RAB27A: variants seen among roughly 807,000 people sequenced by gnomAD.
RAB27A encodes the protein ras-related protein Rab-27A.
In RAB27A, 17 loss-of-function variants were observed where a neutral mutation model predicts 20.8. The observed-to-expected ratio is 0.82, with a 90% CI of 0.56 to 1.23. RAB27A has a LOEUF of 1.23. Among genes scored for constraint, RAB27A ranks in the 50% most tolerant of loss-of-function variants. The pLI is 0.00. For synonymous variants in RAB27A, 85 were observed against 92.8 expected, an observed-to-expected ratio of 0.92 and a Z score of 0.48; for missense variants, 277 against 266.7, an observed-to-expected ratio of 1.04 and a Z score of -0.27.
intron 1 of RAB27A, among the ~76,000 whole-genome samples, chr15:55,275,706 C>G (rs1288953653): frequency 6.6e-6 from 1 of 151,468 alleles, no homozygotes; most frequent in African/African-American, 2.4e-5. Flanking sequence ...CCAAAATATA[C>G]AAGAACCTCA....
At chr15:55,281,767 A>G (rs888700569) in intron 1 of RAB27A, among the ~76,000 whole-genome samples, 8 of 151,894 alleles carry the variant, frequency 5.3e-5, no homozygotes, top group Middle Eastern at 3.4e-3. Context: ...GTAGGAAAGG[A>G]AAAGAGAAGG....
intron 2 of RAB27A, among the ~76,000 whole-genome samples, chr15:55,244,812 T>C (rs1896627021): frequency 6.6e-6 from 1 of 152,218 alleles, no homozygotes; most frequent in Admixed American, 6.5e-5. Context: ...AACATCCCCT[T>C]GTTCAGTGAT....
chr15:55,265,079 C>T (rs1042919263), intron 2 of RAB27A, among the ~76,000 whole-genome samples: 10 of 152,212 alleles, frequency 6.6e-5, no homozygotes, highest in South Asian at 2.1e-4. Context: ...CCCATCTCTA[C>T]TAAAAATACA....
chr15:55,215,980 C>A (rs1895283836), intron 6 of RAB27A, among the ~76,000 whole-genome samples: 1 of 147,072 alleles, frequency 6.8e-6, no homozygotes, highest in Non-Finnish European at 1.5e-5. Context: ...AAGTCATAAC[C>A]TCTGGAGTCA....
At chr15:55,288,876 T>C (rs1024407259) in intron 1 of RAB27A, 1 of 150,638 alleles carries the variant, frequency 6.6e-6, no homozygotes. Context: ...TAATTAGCAA[T>C]GATTACAGAA....
At chr15:55,208,854 T>C (rs553945667) in intron 6 of RAB27A, among the ~76,000 whole-genome samples, 2 of 152,016 alleles carry the variant, frequency 1.3e-5, no homozygotes, top group East Asian at 1.9e-4. Flanking sequence ...CTAAAGAAAA[T>C]TGAGATTCTA....
At chr15:55,303,860 A>G (rs71399476) in intron 2 of RAB27A, among the ~76,000 whole-genome samples, 53,028 of 119,180 alleles carry the variant, frequency 0.44, 13,698 homozygotes, top group African/African-American at 0.76. Context: ...CCCCCTGCCC[A>G]GCCAGCCGGC....
chr15:55,209,962 G>A (rs1398002880), intron 6 of RAB27A, among the ~76,000 whole-genome samples: 8 of 133,232 alleles, frequency 6.0e-5, no homozygotes, highest in Middle Eastern at 4.2e-3. Flanking sequence ...ACGCATATAT[G>A]TGCGTATGTG....
intron 2 of RAB27A, among the ~76,000 whole-genome samples, chr15:55,253,432 G>C (rs530940947): frequency 6.7e-6 from 1 of 150,232 alleles, no homozygotes; most frequent in Admixed American, 6.6e-5. Flanking sequence ...GGGTGACAGA[G>C]CGAGACTCCG....
intron 4 of RAB27A, 49 bp downstream of exon 4, chr15:55,230,352 T>A (rs749307026): frequency 1.3e-6 from 2 of 1,509,704 alleles, no homozygotes; most frequent in South Asian, 2.2e-5. Flanking sequence ...AGAATGTAAC[T>A]ATTTTTCCCT....
At chr15:55,307,084 T>C (rs2055000089) in intron 2 of RAB27A, among the ~76,000 whole-genome samples, 1 of 151,966 alleles carries the variant, frequency 6.6e-6, no homozygotes, top group Non-Finnish European at 1.5e-5. Context: ...ATAAAATGAC[T>C]GGGTAGGGTC....
chr15:55,246,112 A>C (rs1458354875), intron 2 of RAB27A, among the ~76,000 whole-genome samples: 3 of 150,884 alleles, frequency 2.0e-5, no homozygotes, highest in Non-Finnish European at 4.4e-5. Context: ...AATACATATA[A>C]ATATATATAC....
chr15:55,208,457 G>A (rs542959162), intron 6 of RAB27A, among the ~76,000 whole-genome samples: 219 of 152,210 alleles, frequency 1.4e-3, no homozygotes, highest in African/African-American at 5.0e-3. Flanking sequence ...GTTGCCAAAC[G>A]GTAGAAACAA....
intron 2 of RAB27A, among the ~76,000 whole-genome samples, chr15:55,309,736 T>C (rs538085400): frequency 6.6e-6 from 1 of 152,172 alleles, no homozygotes; most frequent in Admixed American, 6.5e-5. Flanking sequence ...TAGGTACAGC[T>C]GGGTGTAGAT....
At chr15:55,302,643 A>T (rs1048844252) in intron 2 of RAB27A, among the ~76,000 whole-genome samples, 2 of 105,252 alleles carry the variant, frequency 1.9e-5, no homozygotes, top group Non-Finnish European at 3.7e-5. Flanking sequence ...GCCTCTTCCC[A>T]GCCGCCATCA....
In RAB27A at chr15:55,241,624, A is replaced by ATATATATATATGTGTG. The variant is rs377301086; in HGVS notation, c.-22-6669_-22-6668insCACACATATATATATA. On this transcript the variant is annotated intron_variant, in intron 2 of 6. Transcript: ENST00000336787. ...TTTATATATATATATATATATATAT[A>ATATATATATATGTGTG]TGTGTGTATATATATTTGTTTTTTT... Among the ~76,000 whole-genome samples the ATATATATATATGTGTG allele has an allele frequency of 5.5e-3, 649 of 117,578 alleles. 37 individuals are homozygous for ATATATATATATGTGTG. Among genetic ancestry groups the ATATATATATATGTGTG allele is most frequent in the African/African-American group, 0.027 (622 of 22,808 alleles). 77.1% of individuals were successfully genotyped at this position (117,578 alleles called of 152,430 possible). A position where few individuals can be genotyped will look rare whatever the true frequency, so the allele number is the denominator to read the frequency against.
intron 2 of RAB27A, among the ~76,000 whole-genome samples, chr15:55,313,524 A>G (rs553348964): frequency 3.3e-5 from 5 of 152,320 alleles, no homozygotes; most frequent in Admixed American, 3.3e-4. Flanking sequence ...TAATATTAGA[A>G]TGCTTTAAGG....
chr15:55,223,438 G>A (rs1365317393), intron 6 of RAB27A, among the ~76,000 whole-genome samples: 1 of 151,934 alleles, frequency 6.6e-6, no homozygotes, highest in Non-Finnish European at 1.5e-5. Flanking sequence ...GAACCCGGGA[G>A]GTGGAGGTTG....
intron 6 of RAB27A, among the ~76,000 whole-genome samples, chr15:55,214,283 A>C (rs1390577124): frequency 1.3e-5 from 2 of 152,184 alleles, no homozygotes; most frequent in African/African-American, 4.8e-5. Flanking sequence ...AAAAATACAA[A>C]AAATTAGCCA....
Sources: gnomAD v4.1 joint callset for allele counts (sites outside exome capture counted in the v4.1 genomes callset) on GRCh38, gnomAD v4.1.1 for gene constraint, MANE v1.5 for transcripts, NCBI Gene and HGNC (gene_info 2026-07-23, HGNC 2026-07-21) for gene names.